Variants in TRAF7 observed in about 807,000 individuals in gnomAD.
TRAF7 encodes E3 ubiquitin-protein ligase TRAF7.
In TRAF7, 45 loss-of-function variants were observed where a neutral mutation model predicts 89.3. The observed-to-expected ratio is 0.50, with a 90% CI of 0.40 to 0.65. The LOEUF is 0.65. Ranked by LOEUF, TRAF7 falls within the 30% of genes least tolerant of loss-of-function variation. The probability of loss-of-function intolerance (pLI) is 0.00; values close to 1 mark genes in which losing one functional copy is unlikely to be tolerated. For synonymous variants in TRAF7, 406 were observed against 369.2 expected, an observed-to-expected ratio of 1.10 and a Z score of -1.14; for missense variants, 677 against 918.1, an observed-to-expected ratio of 0.74 and a Z score of 3.39.
At chr16:2,170,074 T>G (rs2093101891) in intron 4 of TRAF7, among the ~76,000 whole-genome samples, 1 of 152,030 alleles carries the variant, frequency 6.6e-6, no homozygotes, top group African/African-American at 2.4e-5. Context: ...CTCGGGAAGC[T>G]CAGCCGAGGT....
intron 3 of TRAF7, among the ~76,000 whole-genome samples, chr16:2,167,690 AGCT>A (rs1431231513): frequency 6.6e-6 from 1 of 152,200 alleles, no homozygotes. Context: ...TGGCACCCCC[AGCT>A]GCTGCCAGGC....
In TRAF7 at chr16:2,176,004, C is replaced by G. The variant is rs200407806; in HGVS notation, c.1747-45C>G. 2.9e-5 allele frequency: 46 copies of G among 1,610,736 alleles called. 1 individual carries two copies. In the South Asian group the frequency reaches 4.7e-4, roughly 17 times the overall value. Reference sequence around the variant, plus strand: ...GGCCAGACTGTGGCCCCGTCTCCCCCGCCTTGCTCAGTGTCTTTGACCTGC... The same window carrying G: ...GGCCAGACTGTGGCCCCGTCTCCCCGGCCTTGCTCAGTGTCTTTGACCTGC... On this transcript the variant is annotated intron_variant, in intron 18 of 20. Transcript: ENST00000326181.
chr16:2,156,729 T>TGGGGGG (rs5815111), intron 1 of TRAF7, among the ~76,000 whole-genome samples: 1 of 137,020 alleles, frequency 7.3e-6, no homozygotes, highest in African/African-American at 2.8e-5. Flanking sequence ...GGGTGCATGG[T>TGGGGGG]GGGGTGGGGC....
chr16:2,161,188 TCCGTCC>T lies in TRAF7; in HGVS notation c.-38-2692_-38-2687del, dbSNP rs1159764559. Among the ~76,000 whole-genome samples, 1 of 133,022 alleles carries T rather than the reference TCCGTCC, an allele frequency of 7.5e-6. No individual in the cohort carries two copies. Among genetic ancestry groups the T allele is most frequent in the East Asian group, 2.8e-4 (1 of 3,602 alleles). 87.3% of individuals were successfully genotyped at this position (133,022 alleles called of 152,430 possible). On this transcript the variant is annotated intron_variant, in intron 1 of 20. Coordinates refer to ENST00000326181, the MANE Select transcript of TRAF7 (RefSeq NM_032271.3). This position sits in a 1 kb window ranked among gnomAD's most constrained non-coding sequence, Gnocchi z 5.2. Reference sequence around the variant, plus strand: ...GTATCCCCCTCCTTCCCTCCCTCCTTCCGTCCCCCTCCCTCCCTCCGTCCCCCTGCT... The same window carrying T: ...GTATCCCCCTCCTTCCCTCCCTCCTTCCCTCCCTCCCTCCGTCCCCCTGCT...
intron 14 of TRAF7, 105 bp from the exon 15 acceptor site, chr16:2,175,006 A>G: frequency 7.1e-7 from 1 of 1,412,808 alleles, no homozygotes; most frequent in Non-Finnish European, 1.0e-6. Context: ...GCCCTGGGCC[A>G]TGCTGCTGGT....
chr16:2,158,635 C>T lies in TRAF7; in HGVS notation c.-39+2777C>T, dbSNP rs1031401564. Among the ~76,000 whole-genome samples, 9 of 152,162 alleles carry T rather than the reference C, an allele frequency of 5.9e-5. No homozygotes were observed. Among genetic ancestry groups the T allele is most frequent in the Non-Finnish European group, 1.3e-4 (9 of 68,018 alleles). ...TGCCCTCACATTCCTGTTGCCTCTT[C>T]GGGCCCATGTATGGCCAGTGTTTAT... On this transcript the variant is annotated intron_variant, in intron 1 of 20. Transcript: ENST00000326181. The surrounding 1 kb of genome is among the most constrained non-coding windows in gnomAD (Gnocchi z 4.7).
At chr16:2,164,517 G>T in intron 2 of TRAF7, among the ~76,000 whole-genome samples, 1 of 141,666 alleles carries the variant, frequency 7.1e-6, no homozygotes, top group Non-Finnish European at 1.5e-5. Context: ...GGCCTGGCCT[G>T]GTCGCATGGT....
intron 17 of TRAF7, 83 bp downstream of exon 17, chr16:2,175,705 C>T (rs1355765471): frequency 8.2e-6 from 13 of 1,588,664 alleles, no homozygotes; most frequent in Non-Finnish European, 1.1e-5. Flanking sequence ...TCCATCTGCC[C>T]TGTTCCTACC....
intron 7 of TRAF7, among the ~76,000 whole-genome samples, chr16:2,171,840 G>C (rs556187628): frequency 6.6e-6 from 1 of 152,220 alleles, no homozygotes; most frequent in Non-Finnish European, 1.5e-5. Flanking sequence ...CCCACAGTGG[G>C]TGTGGGCCGA....
intron 1 of TRAF7, among the ~76,000 whole-genome samples, chr16:2,157,760 G>T (rs2093041006): frequency 1.3e-5 from 2 of 152,144 alleles, no homozygotes; most frequent in Non-Finnish European, 2.9e-5. Flanking sequence ...CATGGGACTG[G>T]CTCAGGCGCT....
chr16:2,171,091 G>A (rs1431296697), intron 5 of TRAF7, among the ~76,000 whole-genome samples, 173 bp from the exon 6 acceptor site: 3 of 152,150 alleles, frequency 2.0e-5, no homozygotes, highest in African/African-American at 2.4e-5. Flanking sequence ...CACAGACCTC[G>A]CTCTCCCTCC....
At chr16:2,173,857 G>GCGGGGGGGGC in intron 12 of TRAF7, 21 bp downstream of exon 12, 2 of 1,607,460 alleles carry the variant, frequency 1.2e-6, no homozygotes, top group Non-Finnish European at 1.7e-6. Context: ...ACCCGCCGTG[G>GCGGGGGGGGC]CTCCCGCCCA....
At chr16:2,167,275 C>T (rs886900997) in intron 3 of TRAF7, among the ~76,000 whole-genome samples, 6 of 152,158 alleles carry the variant, frequency 3.9e-5, no homozygotes, top group African/African-American at 1.4e-4. Flanking sequence ...CCTCACCTGG[C>T]CCCTCATGAC....
rs761094138 is a variant in TRAF7 at position 2,158,246 on chromosome 16, G to A, written c.-39+2388G>A. Among the ~76,000 whole-genome samples, 10 of 151,866 alleles carry A rather than the reference G, an allele frequency of 6.6e-5. No individual in the cohort carries two copies. The highest frequency in any genetic ancestry group is 2.4e-4 in the African/African-American group (10 of 41,320). On this transcript the variant is annotated intron_variant, in intron 1 of 20. Coordinates refer to ENST00000326181, the MANE Select transcript of TRAF7 (RefSeq NM_032271.3). This position sits in a 1 kb window ranked among gnomAD's most constrained non-coding sequence, Gnocchi z 4.7. ...ACCAGGCCCTCTGTGTGGATCATGC[G>A]GGGGGAACCTGTGGAGAGGGACCCA...
chr16:2,166,960 C>G (rs115528826), intron 3 of TRAF7, among the ~76,000 whole-genome samples: 1 of 152,036 alleles, frequency 6.6e-6, no homozygotes, highest in Non-Finnish European at 1.5e-5. Context: ...TAGAAGCACA[C>G]TGGCTGCTAA....
At chr16:2,174,130 G>A (rs2093125542) in intron 13 of TRAF7, 82 bp downstream of exon 13, 1 of 1,603,540 alleles carries the variant, frequency 6.2e-7, no homozygotes, top group Non-Finnish European at 8.5e-7. Context: ...CCTGCCTATG[G>A]GTGGGACCTT....
chr16:2,157,253 T>G (rs1490933373), intron 1 of TRAF7, among the ~76,000 whole-genome samples: 1 of 152,144 alleles, frequency 6.6e-6, no homozygotes, highest in Non-Finnish European at 1.5e-5. Context: ...CATAGTTCTC[T>G]GTGGAAGCCT....
intron 14 of TRAF7, among the ~76,000 whole-genome samples, chr16:2,174,736 G>C (rs937616637): frequency 6.6e-6 from 1 of 152,286 alleles, no homozygotes. Flanking sequence ...TGGCCCGCCT[G>C]CCTCCTGTCT....
chr16:2,164,500 G>A (rs1360717638), intron 2 of TRAF7, among the ~76,000 whole-genome samples: 3 of 142,828 alleles, frequency 2.1e-5, no homozygotes, highest in South Asian at 2.2e-4. Context: ...GCGTGTGAGT[G>A]CTACGTGGCC....
Sources: allele counts gnomAD v4.1 joint callset (sites outside exome capture counted in the v4.1 genomes callset), GRCh38; gene constraint gnomAD v4.1.1; non-coding constraint Gnocchi (gnomAD v3.1); transcripts MANE v1.5; gene names NCBI Gene and HGNC (gene_info 2026-07-23, HGNC 2026-07-21).